The following PRKCZ variants were observed in gnomAD, a reference collection of about 807,000 sequenced individuals.
The protein encoded by PRKCZ is protein kinase C zeta.
In PRKCZ, 33 loss-of-function variants were observed where a neutral mutation model predicts 79.5. The observed-to-expected ratio is 0.41, with a 90% CI of 0.31 to 0.55. The LOEUF (loss-of-function observed/expected upper bound fraction) is 0.55. Ranked by LOEUF, PRKCZ falls within the 20% of genes least tolerant of loss-of-function variation. The pLI, the probability that PRKCZ is intolerant of heterozygous loss-of-function variation, is 0.19. For missense variants in PRKCZ, 578 were observed against 813.5 expected (o/e 0.71, Z 3.52); for synonymous variants, 342 against 320.9 (o/e 1.07, Z -0.70).
chr1:2,095,717 C>T (rs1321281009), intron 4 of PRKCZ, among the ~76,000 whole-genome samples: 1 of 147,814 alleles, frequency 6.8e-6, no homozygotes, highest in Non-Finnish European at 1.5e-5. Context: ...CCCCTCCCCT[C>T]CTTTTCCCTC....
intron 4 of PRKCZ, among the ~76,000 whole-genome samples, chr1:2,106,405 C>G (rs904359154): frequency 6.6e-6 from 1 of 152,054 alleles, no homozygotes; most frequent in Non-Finnish European, 1.5e-5. Flanking sequence ...CTCAGCAAGC[C>G]CCTCTAGTGG....
intron 4 of PRKCZ, among the ~76,000 whole-genome samples, chr1:2,076,952 G>A (rs923309224): frequency 4.6e-5 from 7 of 152,162 alleles, no homozygotes; most frequent in Non-Finnish European, 7.3e-5. Context: ...CCATGCTCGG[G>A]ACTGGCTGCT....
intron 4 of PRKCZ, among the ~76,000 whole-genome samples, chr1:2,090,494 C>T (rs1305467255): frequency 1.3e-5 from 2 of 152,096 alleles, no homozygotes; most frequent in Admixed American, 1.3e-4. Context: ...TGCCCCCCAG[C>T]CCCCTCACCC....
chr1:2,126,847 C>G (rs1242198544), intron 4 of PRKCZ, among the ~76,000 whole-genome samples: 1 of 152,232 alleles, frequency 6.6e-6, no homozygotes, highest in Non-Finnish European at 1.5e-5. Flanking sequence ...GGCCGCCCAT[C>G]CCTCCTGGGT....
chr1:2,062,962 C>A (rs897912385), intron 4 of PRKCZ, among the ~76,000 whole-genome samples: 2 of 152,118 alleles, frequency 1.3e-5, no homozygotes, highest in African/African-American at 4.8e-5. Context: ...ATCACCCACC[C>A]GCCGCTTTCT....
chr1:2,115,863 A>G (rs1670654788), intron 4 of PRKCZ, among the ~76,000 whole-genome samples: 2 of 151,860 alleles, frequency 1.3e-5, no homozygotes, highest in African/African-American at 4.8e-5. Context: ...CAACTCGGAC[A>G]CTCTCCAGAC....
At chr1:2,070,552 A>G (rs920506492) in intron 4 of PRKCZ, among the ~76,000 whole-genome samples, 2 of 152,138 alleles carry the variant, frequency 1.3e-5, no homozygotes, top group East Asian at 1.9e-4. Flanking sequence ...AGGGATGTTA[A>G]TAGCAGGTCT....
chr1:2,158,564 C>T (rs1487771441), intron 10 of PRKCZ, among the ~76,000 whole-genome samples: 3 of 152,230 alleles, frequency 2.0e-5, no homozygotes, highest in Non-Finnish European at 4.4e-5. Context: ...CCATCCCTTG[C>T]GATTTGGGAA....
chr1:2,181,894 C>G, intron 16 of PRKCZ: 1 of 456,492 alleles, frequency 2.2e-6, no homozygotes, highest in South Asian at 1.5e-5. Flanking sequence ...TCCCCACAAT[C>G]CTGCTGTGCG....
chr1:2,120,005 C>T (rs1357082021), intron 4 of PRKCZ, among the ~76,000 whole-genome samples: 1 of 152,076 alleles, frequency 6.6e-6, no homozygotes, highest in African/African-American at 2.4e-5. Flanking sequence ...GGGTGTTCTC[C>T]ACTCTGTGTG....
intron 5 of PRKCZ, among the ~76,000 whole-genome samples, chr1:2,138,840 A>G (rs1438428030): frequency 6.6e-6 from 1 of 152,152 alleles, no homozygotes; most frequent in Non-Finnish European, 1.5e-5. Flanking sequence ...AGTCTGAGGC[A>G]GGAGAATCAC....
chr1:2,063,297 T>A (rs901067417), intron 4 of PRKCZ, among the ~76,000 whole-genome samples: 1 of 152,200 alleles, frequency 6.6e-6, no homozygotes, highest in Non-Finnish European at 1.5e-5. Flanking sequence ...GATTGCTGGA[T>A]CATTGATCAT....
chr1:2,098,972 C>T (rs775298822), intron 4 of PRKCZ, among the ~76,000 whole-genome samples: 19 of 152,210 alleles, frequency 1.2e-4, no homozygotes, highest in East Asian at 3.8e-4. Context: ...TGAGCCACCG[C>T]GCCGGGCCCA....
intron 4 of PRKCZ, among the ~76,000 whole-genome samples, chr1:2,065,449 C>A (rs981171530): frequency 6.6e-6 from 1 of 152,242 alleles, no homozygotes; most frequent in South Asian, 2.1e-4. Flanking sequence ...GAGGCCCAGG[C>A]GGGTGGATCA....
chr1:2,144,706 G>A (rs949423635), intron 6 of PRKCZ: 107 of 939,278 alleles, frequency 1.1e-4, no homozygotes, highest in Non-Finnish European at 1.2e-4. Flanking sequence ...CATTGGGCAC[G>A]CTGAGGCTCC....
chr1:2,088,410 G>T (rs964872273), intron 4 of PRKCZ, among the ~76,000 whole-genome samples: 30 of 152,132 alleles, frequency 2.0e-4, no homozygotes, highest in Non-Finnish European at 7.4e-5. Flanking sequence ...CTCAGCTTTG[G>T]CCCTGGTTGC....
At chr1:2,167,579 C>T (rs775559587) in intron 10 of PRKCZ, among the ~76,000 whole-genome samples, 1 of 151,982 alleles carries the variant, frequency 6.6e-6, no homozygotes, top group Non-Finnish European at 1.5e-5. Flanking sequence ...GTGAAGTCAC[C>T]CTAAGGGTTT....
chr1:2,090,693 A>G (rs941244201), intron 4 of PRKCZ, among the ~76,000 whole-genome samples: 1 of 152,130 alleles, frequency 6.6e-6, no homozygotes, highest in Admixed American at 6.5e-5. Flanking sequence ...GGTTTTGCTC[A>G]TGGCACCTGG....
chr1:2,171,155 AAC>A (rs1376407934), intron 11 of PRKCZ, among the ~76,000 whole-genome samples: 4 of 151,906 alleles, frequency 2.6e-5, no homozygotes, highest in Admixed American at 6.5e-5. Context: ...ACGGTGAAAT[AAC>A]ACAGTGAAAC....
Sources: allele counts gnomAD v4.1 joint callset (sites outside exome capture counted in the v4.1 genomes callset), GRCh38; gene constraint gnomAD v4.1.1; transcripts MANE v1.5; gene names NCBI Gene and HGNC (gene_info 2026-07-23, HGNC 2026-07-21).